Variants in DOCK4 observed in about 807,000 individuals in gnomAD.
DOCK4 encodes the protein dedicator of cytokinesis 4, also known as dedicator of cytokinesis protein 4.
In DOCK4, 97 loss-of-function variants were observed where a neutral mutation model predicts 268.1. The observed-to-expected ratio is 0.36, with a 90% CI of 0.31 to 0.43. The LOEUF (loss-of-function observed/expected upper bound fraction) is 0.43. Ranked by LOEUF, DOCK4 falls within the 20% of genes least tolerant of loss-of-function variation. The pLI is 1.00. For synonymous variants in DOCK4, 954 were observed against 887.2 expected (o/e 1.08, Z -1.34); for missense variants, 2,145 against 2,455.7 (o/e 0.87, Z 2.67).
chr7:111,946,393 C>G (rs911623657), intron 8 of DOCK4, among the ~76,000 whole-genome samples: 3 of 152,080 alleles, frequency 2.0e-5, no homozygotes, highest in African/African-American at 7.2e-5. Context: ...TGCGGTGGCT[C>G]AGAACTGTTG....
intron 1 of DOCK4, among the ~76,000 whole-genome samples, chr7:112,086,110 C>A (rs1586794098): frequency 6.6e-6 from 1 of 151,870 alleles, no homozygotes; most frequent in African/African-American, 2.4e-5. Flanking sequence ...CTTAAATGTA[C>A]TACAGGAAAA....
At chr7:112,069,150 T>C (rs1807350305) in intron 1 of DOCK4, among the ~76,000 whole-genome samples, 1 of 152,226 alleles carries the variant, frequency 6.6e-6, no homozygotes, top group Non-Finnish European at 1.5e-5. Context: ...CAGACAGTGA[T>C]GGCTTGTACA....
intron 22 of DOCK4, 96 bp from the exon 23 acceptor site, chr7:111,863,660 T>C (rs1305937124): frequency 1.6e-5 from 20 of 1,273,504 alleles, no homozygotes; most frequent in Non-Finnish European, 1.6e-5. Flanking sequence ...GCAAGTGTTT[T>C]TGAATGGTAG....
At chr7:112,173,008 G>T (rs944722138) in intron 1 of DOCK4, among the ~76,000 whole-genome samples, 1 of 152,154 alleles carries the variant, frequency 6.6e-6, no homozygotes, top group Non-Finnish European at 1.5e-5. Context: ...CACGTCGTGT[G>T]AGCCCTTCAT....
At chr7:111,871,400 T>C (rs1467011937) in intron 20 of DOCK4, among the ~76,000 whole-genome samples, 3 of 152,210 alleles carry the variant, frequency 2.0e-5, no homozygotes, top group Non-Finnish European at 4.4e-5. Flanking sequence ...TTCATAACTT[T>C]TCAGCACCAC....
intron 39 of DOCK4, 89 bp from the exon 40 acceptor site, chr7:111,760,411 C>A: frequency 7.5e-7 from 1 of 1,330,556 alleles, no homozygotes; most frequent in Non-Finnish European, 1.0e-6. Context: ...CAGTAACTGA[C>A]CACATGCCCC....
At chr7:111,796,977 C>T (rs1799939844) in intron 30 of DOCK4, among the ~76,000 whole-genome samples, 1 of 152,164 alleles carries the variant, frequency 6.6e-6, no homozygotes, top group Non-Finnish European at 1.5e-5. Flanking sequence ...GGAGAATGCT[C>T]CCTGTCTTCT....
rs1378836257 is a variant in DOCK4, at chr7:111,727,281, G to T, written c.*993C>A. The T allele has an allele frequency of 1.3e-5, 2 of 152,492 alleles. No individual in the cohort carries two copies. Among genetic ancestry groups the T allele is most frequent in the African/African-American group, 4.8e-5 (2 of 41,416 alleles). The allele number at this position is 152,492 out of a possible 1,614,324, so 9.4% of individuals were successfully genotyped here. On this transcript the variant is annotated 3_prime_UTR_variant, in exon 53 of 53. Coordinates refer to ENST00000428084, the MANE Select transcript of DOCK4 (RefSeq NM_001363540.2). ...AGAGTCGTGAGGAATTTTTTATTTT[G>T]TGCAGGACTGAAAGTTAATGCCCTT...
intron 1 of DOCK4, among the ~76,000 whole-genome samples, chr7:112,103,225 T>G (rs1455989066): frequency 6.6e-6 from 1 of 152,350 alleles, no homozygotes; most frequent in East Asian, 1.9e-4. Context: ...TTCACTTTTA[T>G]GTTTTTTTTT....
intron 25 of DOCK4, 96 bp downstream of exon 25, chr7:111,844,667 A>G: frequency 1.4e-6 from 2 of 1,459,386 alleles, no homozygotes; most frequent in South Asian, 3.0e-5. Context: ...TACTCTCCTA[A>G]GGCCACATTT....
intron 1 of DOCK4, among the ~76,000 whole-genome samples, chr7:112,192,412 AT>A (rs1435818223): frequency 6.6e-6 from 1 of 152,176 alleles, no homozygotes; most frequent in African/African-American, 2.4e-5. Flanking sequence ...TATGGGAAGT[AT>A]CTCAATATGA....
intron 1 of DOCK4, among the ~76,000 whole-genome samples, chr7:112,154,975 C>T (rs1351037203): frequency 6.6e-6 from 1 of 152,154 alleles, no homozygotes; most frequent in Non-Finnish European, 1.5e-5. Flanking sequence ...CACAGCACAC[C>T]ACTCACTGGC....
chr7:112,125,247 C>A (rs1338420653), intron 1 of DOCK4, among the ~76,000 whole-genome samples: 1 of 152,190 alleles, frequency 6.6e-6, no homozygotes, highest in African/African-American at 2.4e-5. Flanking sequence ...CCCCCCCTGC[C>A]CCATCAGGAT....
intron 1 of DOCK4, among the ~76,000 whole-genome samples, chr7:112,018,391 A>G (rs1001983606): frequency 2.6e-5 from 4 of 152,146 alleles, no homozygotes; most frequent in African/African-American, 9.7e-5. Flanking sequence ...GTAATAGCCA[A>G]ATCAGGATAA....
chr7:111,816,745 G>C (rs1801586635), intron 27 of DOCK4, among the ~76,000 whole-genome samples: 1 of 152,160 alleles, frequency 6.6e-6, no homozygotes, highest in Non-Finnish European at 1.5e-5. Flanking sequence ...TTGAGTCTAT[G>C]CTTTGTTATA....
chr7:111,982,151 G>A (rs1798659960), intron 7 of DOCK4, among the ~76,000 whole-genome samples: 1 of 152,078 alleles, frequency 6.6e-6, no homozygotes, highest in Non-Finnish European at 1.5e-5. Context: ...CCTTCCTACT[G>A]CCTGGAATGC....
intron 23 of DOCK4, among the ~76,000 whole-genome samples, chr7:111,860,784 T>C (rs1379612585): frequency 6.6e-6 from 1 of 152,174 alleles, no homozygotes; most frequent in Non-Finnish European, 1.5e-5. Context: ...ACATTCTTTA[T>C]CCCGCATCAC....
At chr7:112,124,029 T>TC (rs1812991559) in intron 1 of DOCK4, among the ~76,000 whole-genome samples, 1 of 139,230 alleles carries the variant, frequency 7.2e-6, no homozygotes, top group East Asian at 2.0e-4. Flanking sequence ...AACTAAAAAC[T>TC]TTTTTTTTTT....
chr7:112,127,316 A>C (rs1451302453), intron 1 of DOCK4, among the ~76,000 whole-genome samples: 1 of 150,472 alleles, frequency 6.6e-6, no homozygotes, highest in African/African-American at 2.4e-5. Flanking sequence ...AAGGACAAAA[A>C]ACCAAACACC....
Sources: allele counts gnomAD v4.1 joint callset (sites outside exome capture counted in the v4.1 genomes callset), GRCh38; gene constraint gnomAD v4.1.1; transcripts MANE v1.5; gene names NCBI Gene and HGNC (gene_info 2026-07-23, HGNC 2026-07-21).